DNAH14: variants seen among roughly 807,000 people sequenced by gnomAD.
DNAH14 encodes dynein axonemal heavy chain 14.
In DNAH14, 478 loss-of-function variants were observed where a neutral mutation model predicts 520.9. The ratio of observed to expected loss-of-function variants is 0.92; its 90% CI spans 0.85 to 0.99. The LOEUF (loss-of-function observed/expected upper bound fraction) is 0.99. Among genes scored for constraint, DNAH14 ranks in the 50% least tolerant of loss-of-function variants. The pLI, the probability that DNAH14 is intolerant of heterozygous loss-of-function variation, is 0.00. For synonymous variants in DNAH14, 1,581 were observed against 1,757.2 expected, an observed-to-expected ratio of 0.90 and a Z score of 2.51; for missense variants, 4,831 against 5,234.5, an observed-to-expected ratio of 0.92 and a Z score of 2.38.
At chr1:225,252,848 G>A (rs1482380033) in intron 44 of DNAH14, among the ~76,000 whole-genome samples, 1 of 152,104 alleles carries the variant, frequency 6.6e-6, no homozygotes, top group African/African-American at 2.4e-5. Context: ...ATACATATAT[G>A]CTAAATTGTT....
At chr1:225,280,937 A>G (rs1277009964) in intron 54 of DNAH14, among the ~76,000 whole-genome samples, 1 of 152,224 alleles carries the variant, frequency 6.6e-6, no homozygotes, top group East Asian at 1.9e-4. Flanking sequence ...AACAGCTCTG[A>G]TAATTTGTTA....
chr1:225,197,526 T>G (rs1379672430), intron 38 of DNAH14, among the ~76,000 whole-genome samples: 1 of 152,184 alleles, frequency 6.6e-6, no homozygotes, highest in Non-Finnish European at 1.5e-5. Flanking sequence ...CTATATGGGC[T>G]CTTTTTTGGT....
chr1:225,080,360 T>C lies in DNAH14; in HGVS notation c.2767-19T>C. 1 of 1,502,506 alleles carries C rather than the reference T, an allele frequency of 6.7e-7. No homozygotes were observed. Among genetic ancestry groups the C allele is most frequent in the Non-Finnish European group, 8.9e-7 (1 of 1,125,856 alleles). The allele number at this position is 1,502,506 out of a possible 1,614,324, so 93.1% of individuals were successfully genotyped here. A position where few individuals can be genotyped will look rare whatever the true frequency, so the allele number is the denominator to read the frequency against. On this transcript the variant is annotated intron_variant, in intron 18 of 85. Transcript: ENST00000682510. ...AGACATACTGATTTCTCTTAGAAAG[T>C]CCTACTCTTATTTTTTAGATAAGAA...
rs376275533 is a variant in DNAH14, at chr1:225,082,759, T to A, written c.3327+20T>A. ...CTCAAGGTAAATAAAAATGGTTTTT[T>A]AAAAAAATAGGTTGAAATACCAGAT... On this transcript the variant is annotated intron_variant, in intron 20 of 85. Coordinates refer to ENST00000682510, the MANE Select transcript of DNAH14 (RefSeq NM_001367479.1). 1.1e-5 allele frequency: 17 copies of A among 1,531,588 alleles called. No individual in the cohort carries two copies. The highest frequency in any genetic ancestry group is 9.9e-5 in the East Asian group (4 of 40,572). The allele number at this position is 1,531,588 out of a possible 1,614,324, so 94.9% of individuals were successfully genotyped here.
intron 27 of DNAH14, among the ~76,000 whole-genome samples, chr1:225,126,971 TAGTCA>T (rs1309939622): frequency 6.6e-6 from 1 of 151,720 alleles, no homozygotes; most frequent in Non-Finnish European, 1.5e-5. Flanking sequence ...ATGTACCCAG[TAGTCA>T]TTCAGGAGCA....
At chr1:225,178,925 G>T (rs1407193855) in intron 36 of DNAH14, among the ~76,000 whole-genome samples, 1 of 152,136 alleles carries the variant, frequency 6.6e-6, no homozygotes, top group Non-Finnish European at 1.5e-5. Context: ...AGTCTCACGA[G>T]ATCTGATGGT....
At chr1:225,096,599 A>G (rs2074998136) in intron 21 of DNAH14, among the ~76,000 whole-genome samples, 1 of 152,170 alleles carries the variant, frequency 6.6e-6, no homozygotes, top group African/African-American at 2.4e-5. Flanking sequence ...ACTGAAGAAG[A>G]CGTATAAGTA....
chr1:225,231,633 AT>A (rs1353604626), intron 42 of DNAH14, among the ~76,000 whole-genome samples: 1 of 152,146 alleles, frequency 6.6e-6, no homozygotes, highest in Non-Finnish European at 1.5e-5. Context: ...ACTGTTGGGC[AT>A]CTTATTATGA....
intron 37 of DNAH14, among the ~76,000 whole-genome samples, chr1:225,192,082 G>T (rs1159190309): frequency 6.6e-6 from 1 of 151,984 alleles, no homozygotes; most frequent in African/African-American, 2.4e-5. Flanking sequence ...ACATCTTGAT[G>T]CATATGGCTT....
intron 10 of DNAH14, among the ~76,000 whole-genome samples, chr1:225,010,436 G>A (rs1255021112): frequency 6.6e-6 from 1 of 151,976 alleles, no homozygotes; most frequent in East Asian, 1.9e-4. Flanking sequence ...TGCATCCTAG[G>A]GATGAACCTG....
chr1:225,127,685 A>G (rs1260345736), intron 27 of DNAH14, among the ~76,000 whole-genome samples: 3 of 152,100 alleles, frequency 2.0e-5, no homozygotes, highest in African/African-American at 7.2e-5. Context: ...GTGTCTTTTA[A>G]TGGGAGCGTT....
intron 84 of DNAH14, among the ~76,000 whole-genome samples, chr1:225,395,408 A>G (rs2150897265): frequency 6.6e-6 from 1 of 152,246 alleles, no homozygotes; most frequent in Admixed American, 6.5e-5. Context: ...CCTGGCTAAC[A>G]CGGTGAAACC....
intron 35 of DNAH14, among the ~76,000 whole-genome samples, chr1:225,159,785 C>T (rs2081361822): frequency 6.6e-6 from 1 of 152,086 alleles, no homozygotes; most frequent in African/African-American, 2.4e-5. Context: ...GTTCTTCCCA[C>T]TTTGAAAGGG....
At chr1:225,281,096 T>C (rs572907137) in intron 54 of DNAH14, among the ~76,000 whole-genome samples, 34 of 152,320 alleles carry the variant, frequency 2.2e-4, no homozygotes, top group African/African-American at 8.2e-4. Context: ...ATGAAACACA[T>C]TGCAAATATG....
At chr1:225,199,032 T>C (rs1056065450) in intron 38 of DNAH14, among the ~76,000 whole-genome samples, 1 of 152,208 alleles carries the variant, frequency 6.6e-6, no homozygotes. Context: ...TTGTTATTGG[T>C]CTATACAGGG....
chr1:225,153,693 G>A (rs2080739383), intron 33 of DNAH14, 57 bp from the exon 34 acceptor site: 10 of 1,283,334 alleles, frequency 7.8e-6, no homozygotes, highest in African/African-American at 1.5e-5. Flanking sequence ...GTGTGCATTT[G>A]TTTTCATATT....
At chr1:225,208,068 C>G (rs892624521) in intron 41 of DNAH14, among the ~76,000 whole-genome samples, 3 of 152,120 alleles carry the variant, frequency 2.0e-5, no homozygotes, top group Non-Finnish European at 4.4e-5. Flanking sequence ...CTGCCACCCC[C>G]CTTCAAATCT....
At chr1:225,224,201 A>G (rs1574112659) in intron 41 of DNAH14, among the ~76,000 whole-genome samples, 1 of 151,920 alleles carries the variant, frequency 6.6e-6, no homozygotes, top group African/African-American at 2.4e-5. Flanking sequence ...CTAAAGGGCA[A>G]TACAGCCCTA....
At chr1:225,392,788 T>G (rs1409250070) in intron 84 of DNAH14, among the ~76,000 whole-genome samples, 2 of 152,246 alleles carry the variant, frequency 1.3e-5, no homozygotes, top group Non-Finnish European at 2.9e-5. Context: ...AAACCTGTCC[T>G]AGCTGCTCAT....
Sources: allele counts gnomAD v4.1 joint callset (sites outside exome capture counted in the v4.1 genomes callset), GRCh38; gene constraint gnomAD v4.1.1; transcripts MANE v1.5; gene names NCBI Gene and HGNC (gene_info 2026-07-23, HGNC 2026-07-21).